Variants in ATP8B4 observed in about 807,000 individuals in gnomAD.
The protein encoded by ATP8B4 is probable phospholipid-transporting ATPase IM.
Under a neutral mutation model 145.6 loss-of-function variants are expected in ATP8B4, and 133 were observed. That is an observed-to-expected ratio of 0.91 (90% CI 0.79 to 1.05). The LOEUF (loss-of-function observed/expected upper bound fraction) is 1.05. Among genes scored for constraint, ATP8B4 ranks in the 50% least tolerant of loss-of-function variants. The probability of loss-of-function intolerance (pLI) is 0.00; values close to 1 mark genes in which losing one functional copy is unlikely to be tolerated. For missense variants in ATP8B4, 1,458 were observed against 1,425.2 expected (o/e 1.02, Z -0.37); for synonymous variants, 507 against 492.9 (o/e 1.03, Z -0.38).
chr15:49,979,004 T>C (rs2045931599), intron 12 of ATP8B4, among the ~76,000 whole-genome samples: 1 of 152,170 alleles, frequency 6.6e-6, no homozygotes, highest in African/African-American at 2.4e-5. Flanking sequence ...TTAACTCCTT[T>C]ATGTACATAC....
intron 14 of ATP8B4, among the ~76,000 whole-genome samples, chr15:49,951,647 A>G (rs28846532): frequency 3.9e-5 from 6 of 151,954 alleles, no homozygotes; most frequent in African/African-American, 7.3e-5. Flanking sequence ...TCCCTATCCA[A>G]TTTCCCAGTC....
chr15:49,953,770 C>G (rs2043306829), intron 14 of ATP8B4, among the ~76,000 whole-genome samples: 1 of 152,208 alleles, frequency 6.6e-6, no homozygotes, highest in African/African-American at 2.4e-5. Context: ...CAGATTCCAG[C>G]TGAGAATGTG....
intron 1 of ATP8B4, among the ~76,000 whole-genome samples, chr15:50,179,175 A>G (rs1264295407): frequency 1.3e-5 from 2 of 152,242 alleles, no homozygotes; most frequent in Non-Finnish European, 2.9e-5. Flanking sequence ...AATATTTAAT[A>G]CCTAATAATG....
intron 14 of ATP8B4, 90 bp from the exon 15 acceptor site, chr15:49,934,272 T>C (rs983131311): frequency 2.1e-5 from 30 of 1,413,258 alleles, no homozygotes; most frequent in Non-Finnish European, 2.8e-5. Context: ...CAAGTATTTT[T>C]AGTGTATTAT....
chr15:49,933,612 T>C (rs1292359547), intron 15 of ATP8B4, among the ~76,000 whole-genome samples: 4 of 152,086 alleles, frequency 2.6e-5, no homozygotes, highest in Non-Finnish European at 5.9e-5. Context: ...GTCATCTGCA[T>C]CTATTAGATA....
intron 6 of ATP8B4, among the ~76,000 whole-genome samples, chr15:50,015,963 G>A (rs1242251728): frequency 6.6e-6 from 1 of 152,148 alleles, no homozygotes; most frequent in Non-Finnish European, 1.5e-5. Flanking sequence ...GAAAATAAGA[G>A]ATGATGAAAG....
At chr15:50,027,565 C>A (rs978348581) in intron 6 of ATP8B4, among the ~76,000 whole-genome samples, 1 of 152,220 alleles carries the variant, frequency 6.6e-6, no homozygotes, top group Non-Finnish European at 1.5e-5. Context: ...ATCTCCACTG[C>A]TGTTTGTGTG....
At chr15:50,119,803 T>C (rs1306221708), upstream of ATP8B4, among the ~76,000 whole-genome samples, 4 of 146,222 alleles carry the variant, frequency 2.7e-5, no homozygotes, top group South Asian at 2.2e-4. Context: ...AGCTCTCTTA[T>C]GGATGAAAGC....
intron 14 of ATP8B4, among the ~76,000 whole-genome samples, chr15:49,944,397 A>G (rs1006505116): frequency 2.0e-5 from 3 of 152,180 alleles, no homozygotes; most frequent in African/African-American, 7.2e-5. Context: ...TGAAAATGGC[A>G]AACAAAAGAG....
Position 49,858,958 on chromosome 15 carries a change from T to C in ATP8B4, c.*1236A>G, listed in dbSNP as rs148288270. 6.6e-6 allele frequency: 1 copy of C among 152,360 alleles called. No homozygotes were observed. Among genetic ancestry groups the C allele is most frequent in the Non-Finnish European group, 1.5e-5 (1 of 68,034 alleles). 9.4% of individuals were successfully genotyped at this position (152,360 alleles called of 1,614,324 possible). ...AACCAACCACATGAGGTAGGTAGTA[T>C]GTCCTCATTTTACAGAGGAAGAAAC... is the stretch of plus-strand genomic sequence containing the variant. On this transcript the variant is annotated 3_prime_UTR_variant, in exon 28 of 28. Transcript: ENST00000284509.
Position 49,931,324 on chromosome 15 carries a change from C to T in ATP8B4, c.1454-17G>A, listed in dbSNP as rs761859741. On this transcript the variant is annotated splice_polypyrimidine_tract_variant and intron_variant, in intron 15 of 27. Coordinates refer to ENST00000284509, the MANE Select transcript of ATP8B4 (RefSeq NM_024837.4). ...TCAGCTCTCCTAAAAGGTAAAGAAA[C>T]AAGTGTATCAATACTGACTAACAGC... 1.9e-6 allele frequency: 3 copies of T among 1,604,944 alleles called. No individual in the cohort carries two copies. Among genetic ancestry groups the T allele is most frequent in the South Asian group, 2.2e-5 (2 of 90,638 alleles).
Position 49,955,554 on chromosome 15 carries a change from T to C in ATP8B4, c.1287+6423A>G, listed in dbSNP as rs183156705. ...TCCAAAAGAATGGAAATCAGGATCTTGAAAAGATATTTGCATTCCCATGTT... is the reference window on the plus strand; with the variant it reads ...TCCAAAAGAATGGAAATCAGGATCTCGAAAAGATATTTGCATTCCCATGTT... On this transcript the variant is annotated intron_variant, in intron 14 of 27. Coordinates refer to ENST00000284509, the MANE Select transcript of ATP8B4 (RefSeq NM_024837.4). 8.2e-4 allele frequency among the ~76,000 whole-genome samples: 125 copies of C among 152,298 alleles called. 1 individual carries two copies. The highest frequency in any genetic ancestry group is 7.8e-3 in the Admixed American group (120 of 15,296).
intron 6 of ATP8B4, among the ~76,000 whole-genome samples, chr15:50,033,191 A>T (rs1035240449): frequency 3.3e-5 from 5 of 152,218 alleles, no homozygotes; most frequent in African/African-American, 7.2e-5. Flanking sequence ...AATAAGATTG[A>T]TGGAAACAGG....
intron 25 of ATP8B4, among the ~76,000 whole-genome samples, chr15:49,869,391 G>A (rs1394982928): frequency 6.6e-6 from 1 of 151,932 alleles, no homozygotes; most frequent in Non-Finnish European, 1.5e-5. Flanking sequence ...CTAATAGAAT[G>A]AGACAAGAAA....
chr15:49,943,779 T>G (rs772491121), intron 14 of ATP8B4, among the ~76,000 whole-genome samples: 1 of 152,138 alleles, frequency 6.6e-6, no homozygotes, highest in Non-Finnish European at 1.5e-5. Context: ...TGAAAAAATA[T>G]GAAAGTCATT....
At chr15:49,992,355 G>T (rs2047108767) in intron 9 of ATP8B4, among the ~76,000 whole-genome samples, 1 of 152,102 alleles carries the variant, frequency 6.6e-6, no homozygotes, top group South Asian at 2.1e-4. Context: ...TAAAAGTAAG[G>T]CCTGAGCCTG....
chr15:50,101,839 GTC>G, intron 2 of ATP8B4, among the ~76,000 whole-genome samples: 1 of 152,092 alleles, frequency 6.6e-6, no homozygotes, highest in African/African-American at 2.4e-5. Flanking sequence ...CCATATGAAA[GTC>G]CACAAAACAA....
intron 2 of ATP8B4, among the ~76,000 whole-genome samples, chr15:50,102,998 G>A (rs1185967335): frequency 6.6e-6 from 1 of 152,104 alleles, no homozygotes; most frequent in Non-Finnish European, 1.5e-5. Flanking sequence ...AAAATCACAT[G>A]ATCATCTCAA....
chr15:49,967,104 G>A (rs958461923), intron 13 of ATP8B4, among the ~76,000 whole-genome samples: 3 of 152,110 alleles, frequency 2.0e-5, no homozygotes, highest in Non-Finnish European at 4.4e-5. Context: ...CACACAAAAC[G>A]CCATCTGAAG....
Sources: allele counts gnomAD v4.1 joint callset (sites outside exome capture counted in the v4.1 genomes callset), GRCh38; gene constraint gnomAD v4.1.1; transcripts MANE v1.5; gene names NCBI Gene and HGNC (gene_info 2026-07-23, HGNC 2026-07-21).